ATP9B: variants seen among roughly 807,000 people sequenced by gnomAD.
The protein encoded by ATP9B is ATPase phospholipid transporting 9B.
ATP9B carries 110 observed loss-of-function variants against 146.1 expected under a neutral mutation model. The observed-to-expected ratio is 0.75, with a 90% CI of 0.65 to 0.88. The LOEUF (loss-of-function observed/expected upper bound fraction) is 0.88, where lower values mean the gene tolerates loss of function less well. Ranked by LOEUF, ATP9B falls within the 40% of genes least tolerant of loss-of-function variation. The pLI is 0.00. For missense variants in ATP9B, 1,499 were observed against 1,496.4 expected (o/e 1.00, Z -0.03); for synonymous variants, 604 against 569.7 (o/e 1.06, Z -0.86).
intron 26 of ATP9B, among the ~76,000 whole-genome samples, chr18:79,364,990 A>C (rs1186387928): frequency 1.3e-5 from 2 of 152,020 alleles, no homozygotes; most frequent in Non-Finnish European, 2.9e-5. Context: ...TGATTGAGCC[A>C]CTGCACTCCA....
At chr18:79,088,412 GA>G (rs530091339) in intron 1 of ATP9B, among the ~76,000 whole-genome samples, 2 of 152,060 alleles carry the variant, frequency 1.3e-5, no homozygotes, top group African/African-American at 4.8e-5. Context: ...ATACAGAGAA[GA>G]AAAAAATGAC....
rs777565739 is a variant in ATP9B at position 79,374,061 on chromosome 18, C to A, written c.3234C>A (p.Gly1078=). The A allele has an allele frequency of 6.2e-7, 1 of 1,614,234 alleles. No individual in the cohort carries two copies. The highest frequency in any genetic ancestry group is 8.5e-7 in the Non-Finnish European group (1 of 1,180,044). ...TGGTGGCCGAGTTCCTCAGCTTAGG[C>A]TGCTACGTGTCCTCACTCGCTTTTC... ...LMVVAEFLSL[G]CYVSSLAFLN... is the part of the protein sequence containing the mutation. Residue 1078 remains glycine, a synonymous_variant, in exon 28 of 30, where the codon GGC becomes GGA. Transcript: ENST00000426216.
At chr18:79,096,808 G>A (rs949942977) in intron 2 of ATP9B, among the ~76,000 whole-genome samples, 159 bp downstream of exon 2, 1 of 152,118 alleles carries the variant, frequency 6.6e-6, no homozygotes, top group African/African-American at 2.4e-5. Context: ...GCCAAACAAT[G>A]CTAATATGAA....
At chr18:79,370,616 G>A (rs749274860) in intron 26 of ATP9B, among the ~76,000 whole-genome samples, 2 of 152,182 alleles carry the variant, frequency 1.3e-5, no homozygotes, top group Non-Finnish European at 2.9e-5. Flanking sequence ...AATAGGAGGT[G>A]TACGGATATT....
chr18:79,157,396 C>CAAAAAAAAAAAAAAAAAAACAAAAAAA, intron 7 of ATP9B, among the ~76,000 whole-genome samples: 1 of 48,596 alleles, frequency 2.1e-5, no homozygotes, highest in Non-Finnish European at 3.2e-5. Flanking sequence ...AACTCCATCT[C>CAAAAAAAAAAAAAAAAAAACAAAAAAA]AAAAAAAAAA....
Position 79,329,075 on chromosome 18 carries a change from G to A in ATP9B, c.1774-66G>A, listed in dbSNP as rs757784060. The A allele has an allele frequency of 1.4e-4, 198 of 1,419,680 alleles. 1 individual carries two copies. The highest frequency in any genetic ancestry group is 5.7e-5 in the Non-Finnish European group (62 of 1,080,086). The allele number at this position is 1,419,680 out of a possible 1,614,324, so 87.9% of individuals were successfully genotyped here. On this transcript the variant is annotated intron_variant, in intron 15 of 29. Transcript: ENST00000426216. ...TGGCAAGCTTTCTGAGCACTGCCGTGCTGGCTCGCCTGCGTGCGGCTTTCC... is the reference window on the plus strand; with the variant it reads ...TGGCAAGCTTTCTGAGCACTGCCGTACTGGCTCGCCTGCGTGCGGCTTTCC...
intron 11 of ATP9B, among the ~76,000 whole-genome samples, chr18:79,231,149 C>T (rs763317174): frequency 2.0e-5 from 3 of 151,902 alleles, no homozygotes; most frequent in Non-Finnish European, 2.9e-5. Context: ...GATAGATAGA[C>T]GCGACATAAA....
At chr18:79,200,762 C>CTGTCATG (rs376428579) in intron 9 of ATP9B, among the ~76,000 whole-genome samples, 1 of 26,788 alleles carries the variant, frequency 3.7e-5, no homozygotes, top group Admixed American at 3.8e-4. Flanking sequence ...GAGGTGGGAA[C>CTGTCATG]GTTGGGGTCA....
intron 8 of ATP9B, among the ~76,000 whole-genome samples, chr18:79,192,866 C>T (rs979277972): frequency 7.2e-5 from 11 of 152,176 alleles, no homozygotes; most frequent in Non-Finnish European, 5.9e-5. Flanking sequence ...ACCCAGGTGA[C>T]TTCAAGATAC....
In ATP9B at chr18:79,277,114, G is replaced by A; in HGVS notation, c.1329G>A (p.Glu443=). 6.2e-7 allele frequency: 1 copy of A among 1,614,198 alleles called. No individual in the cohort carries two copies. The highest frequency in any genetic ancestry group is 1.1e-5 in the South Asian group (1 of 91,086). The change falls in exon 13 of 30, where the codon GAG becomes GAA. Residue 443 remains glutamate, a synonymous_variant. Transcript: ENST00000426216. ...ATGGATGGATGATGATGAAAGATGA[G>A]AACATCCCTGGCACGGTCGTTCGGA... The part of the protein sequence containing the change: ...AVYGWMMMKD[E]NIPGTVVRTS...
chr18:79,162,749 C>A (rs1295338790), intron 7 of ATP9B, among the ~76,000 whole-genome samples: 3 of 152,198 alleles, frequency 2.0e-5, no homozygotes, highest in Non-Finnish European at 4.4e-5. Context: ...AATGCAAAGT[C>A]AATGCCTATC....
At chr18:79,289,507 T>C (rs1283394696) in intron 13 of ATP9B, among the ~76,000 whole-genome samples, 1 of 152,214 alleles carries the variant, frequency 6.6e-6, no homozygotes. Context: ...ATTCTAGTTA[T>C]ACATTCGTCT....
chr18:79,364,486 T>A (rs1217550262), intron 26 of ATP9B, among the ~76,000 whole-genome samples: 7 of 152,216 alleles, frequency 4.6e-5, no homozygotes, highest in African/African-American at 1.7e-4. Flanking sequence ...GGAGAAGAGT[T>A]GTGTCTGCAG....
At position 79,113,255 on chromosome 18, in the gene ATP9B, A is replaced by G; in HGVS notation, c.459A>G (p.Gln153=). Residue 153 remains glutamine, a synonymous_variant, in exon 4 of 30, where the codon CAA becomes CAG. Coordinates refer to ENST00000426216, the MANE Select transcript of ATP9B (RefSeq NM_198531.5). Reference sequence around the variant, plus strand: ...TTCCTTTTTAGGTTTTGTATGAACAATTCAAGTTTTTCTTGAATCTCTATT... The same window carrying G: ...TTCCTTTTTAGGTTTTGTATGAACAGTTCAAGTTTTTCTTGAATCTCTATT... ...FTFIPGVLYE[Q]FKFFLNLYFL... is the part of the protein sequence containing the mutation. 1 of 1,579,954 alleles carries G rather than the reference A, an allele frequency of 6.3e-7. No individual in the cohort carries two copies. The highest frequency in any genetic ancestry group is 8.6e-7 in the Non-Finnish European group (1 of 1,157,622).
intron 11 of ATP9B, among the ~76,000 whole-genome samples, chr18:79,234,539 C>T (rs961319761): frequency 6.6e-6 from 1 of 152,204 alleles, no homozygotes; most frequent in Non-Finnish European, 1.5e-5. Flanking sequence ...TCCGCCACTA[C>T]AGGGCATGCT....
rs535186585 is a variant in ATP9B, at chr18:79,168,258, C to T, written c.779-8555C>T. On this transcript the variant is annotated intron_variant, in intron 7 of 29. Coordinates refer to ENST00000426216, the MANE Select transcript of ATP9B (RefSeq NM_198531.5). ...CAGCCTGGCGACTGCAGAGTCTGAG[C>T]AGGGGGTCCGTGGCTGCATCCTGCG... Among the ~76,000 whole-genome samples, 4 of 152,304 alleles carry T rather than the reference C, an allele frequency of 2.6e-5. No individual in the cohort carries two copies. The East Asian group carries it at 7.7e-4, about 29-fold the overall frequency.
At chr18:79,141,051 C>T (rs2094507782) in intron 5 of ATP9B, among the ~76,000 whole-genome samples, 1 of 152,102 alleles carries the variant, frequency 6.6e-6, no homozygotes, top group African/African-American at 2.4e-5. Flanking sequence ...GGCTGTGTCC[C>T]CACCCAAATC....
chr18:79,278,370 C>A (rs2096337753), intron 13 of ATP9B, among the ~76,000 whole-genome samples: 1 of 152,198 alleles, frequency 6.6e-6, no homozygotes, highest in South Asian at 2.1e-4. Flanking sequence ...TGCAGCAGTT[C>A]TTTCTTTCAC....
At chr18:79,286,225 T>C (rs112520110) in intron 13 of ATP9B, among the ~76,000 whole-genome samples, 12 of 151,934 alleles carry the variant, frequency 7.9e-5, no homozygotes, top group Non-Finnish European at 1.6e-4. Flanking sequence ...GCCATTTTCA[T>C]GATATTGATT....
Sources: allele counts gnomAD v4.1 joint callset (sites outside exome capture counted in the v4.1 genomes callset), GRCh38; gene constraint gnomAD v4.1.1; transcripts MANE v1.5; gene names NCBI Gene and HGNC (gene_info 2026-07-23, HGNC 2026-07-21).